The following SSPN variants were observed in gnomAD, a reference collection of about 807,000 sequenced individuals.
SSPN encodes K-ras oncogene-associated protein.
SSPN carries 15 observed loss-of-function variants against 19.1 expected under a neutral mutation model. The observed-to-expected ratio is 0.78, with a 90% CI of 0.52 to 1.21. The LOEUF is 1.21. SSPN is among the 50% of genes most tolerant of loss of function. The pLI is 0.00. For missense variants in SSPN, 291 were observed against 314.0 expected (o/e 0.93, Z 0.55); for synonymous variants, 147 against 140.3 (o/e 1.05, Z -0.34).
At chr12:26,203,241 A>G (rs1017855209) in intron 1 of SSPN, among the ~76,000 whole-genome samples, 2 of 152,200 alleles carry the variant, frequency 1.3e-5, no homozygotes, top group African/African-American at 4.8e-5. Flanking sequence ...AACTTTAATT[A>G]GGTATAATTC....
At chr12:26,181,277 A>G (rs560949649) in intron 1 of SSPN, 2 of 152,284 alleles carry the variant, frequency 1.3e-5, no homozygotes, top group South Asian at 4.1e-4. Context: ...CAGTTGGAAA[A>G]ACTGTCATTT....
chr12:26,230,901 G>A lies in SSPN; in HGVS notation c.557G>A (p.Ser186Asn), dbSNP rs12313670. 70,358 of 1,614,072 alleles carry A rather than the reference G, an allele frequency of 0.044. 2,532 individuals carry two copies. Among genetic ancestry groups the A allele is most frequent in the African/African-American group, 0.19 (14,126 of 74,962 alleles). Residue 186 changes from serine to asparagine, a missense_variant, in exon 3 of 3, where the codon AGC becomes AAC. Physicochemically the swap from Ser to Asn is conservative, Grantham distance 46. Around this residue, in one of 3 missense-constraint regions of SSPN, gnomAD observed 141 missense variants for 166.7 expected, o/e 0.85. Transcript: ENST00000242729. ...TACCGGGATGTGACGGACTGTACCA[G>A]CGTCACTGGCACTTTCAAACTGTTC... ...FVYRDVTDCT[S>N]VTGTFKLFLL...
intron 1 of SSPN, among the ~76,000 whole-genome samples, chr12:26,201,681 AAGTT>A (rs1286091128): frequency 3.9e-5 from 6 of 152,148 alleles, no homozygotes; most frequent in Non-Finnish European, 1.5e-5. Context: ...TCAACTCAGA[AAGTT>A]AGTCTCTGGA....
chr12:26,211,949 A>G (rs916964390), intron 1 of SSPN, among the ~76,000 whole-genome samples: 2 of 152,212 alleles, frequency 1.3e-5, no homozygotes, highest in Non-Finnish European at 2.9e-5. Flanking sequence ...GGCTTGGCAC[A>G]TAAGTATTCC....
In SSPN at chr12:26,232,445, C is replaced by T. The variant is rs1945243790; in HGVS notation, c.*1369C>T. ...GAGCTAAAAATGGAAATTCATGAAA[C>T]ATAAATGGTATCAAGAACTTTATCA... On this transcript the variant is annotated 3_prime_UTR_variant, in exon 3 of 3. Coordinates refer to ENST00000242729, the MANE Select transcript of SSPN (RefSeq NM_005086.5). The T allele has an allele frequency of 1.0e-6, 1 of 985,252 alleles. No homozygotes were observed. Among genetic ancestry groups the T allele is most frequent in the East Asian group, 1.1e-4 (1 of 8,816 alleles). The allele number at this position is 985,252 out of a possible 1,614,324, so 61.0% of individuals were successfully genotyped here.
At chr12:26,165,735 T>G (rs1034246476) in intron 1 of SSPN, among the ~76,000 whole-genome samples, 3 of 152,248 alleles carry the variant, frequency 2.0e-5, no homozygotes, top group African/African-American at 7.2e-5. Context: ...AAGGAAATCA[T>G]TTTTGTTCAT....
chr12:26,166,039 G>A (rs182617869), intron 1 of SSPN, among the ~76,000 whole-genome samples: 6 of 152,226 alleles, frequency 3.9e-5, no homozygotes, highest in South Asian at 2.1e-4. Flanking sequence ...CGCAAACACC[G>A]CATGTTCTCA....
chr12:26,219,331 A>T (rs1175146957), intron 1 of SSPN, among the ~76,000 whole-genome samples: 1 of 152,232 alleles, frequency 6.6e-6, no homozygotes, highest in African/African-American at 2.4e-5. Flanking sequence ...AAGGGAAAAA[A>T]AATAATAAGC....
rs199695974 is a variant in SSPN at position 26,138,789 on chromosome 12, GA to G, written c.-31+16646del. 3.3e-5 allele frequency among the ~76,000 whole-genome samples: 5 copies of G among 149,726 alleles called. No individual in the cohort carries two copies. In the South Asian group the frequency reaches 1.1e-3, roughly 32 times the overall value. On this transcript the variant is annotated intron_variant, in intron 1 of 2. Transcript: ENST00000538142. Reference sequence around the variant, plus strand: ...ATGGTGCTCAGAATCCGTGTGGGAAGAAAAAAAAATCAATGATCGAGCATAA... The same window carrying G: ...ATGGTGCTCAGAATCCGTGTGGGAAGAAAAAAAATCAATGATCGAGCATAA...
intron 1 of SSPN, among the ~76,000 whole-genome samples, chr12:26,128,413 A>G (rs1944378946): frequency 6.6e-6 from 1 of 152,260 alleles, no homozygotes; most frequent in African/African-American, 2.4e-5. Flanking sequence ...AAATCCAAAT[A>G]TCCTAATTAA....
chr12:26,226,987 G>A (rs1005003331), intron 2 of SSPN, among the ~76,000 whole-genome samples: 2 of 152,090 alleles, frequency 1.3e-5, no homozygotes, highest in Non-Finnish European at 2.9e-5. Context: ...TAAGCGCCCG[G>A]GGCCACCGCG....
intron 1 of SSPN, among the ~76,000 whole-genome samples, chr12:26,189,046 T>C (rs1457834623): frequency 6.6e-6 from 1 of 152,172 alleles, no homozygotes; most frequent in African/African-American, 2.4e-5. Context: ...TTTTTTAATG[T>C]AACCTGAAAA....
At chr12:26,177,862 G>A (rs972431148) in intron 1 of SSPN, among the ~76,000 whole-genome samples, 5 of 152,120 alleles carry the variant, frequency 3.3e-5, no homozygotes, top group African/African-American at 1.2e-4. Flanking sequence ...TATCTCTCAC[G>A]TGTATCATGA....
At chr12:26,186,595 A>G (rs1207644768) in intron 1 of SSPN, among the ~76,000 whole-genome samples, 2 of 152,188 alleles carry the variant, frequency 1.3e-5, no homozygotes, top group African/African-American at 4.8e-5. Flanking sequence ...CTCACTTGTC[A>G]TTTCAACACA....
At chr12:26,213,625 G>T (rs867735152) in intron 1 of SSPN, among the ~76,000 whole-genome samples, 4 of 151,932 alleles carry the variant, frequency 2.6e-5, no homozygotes, top group Admixed American at 1.3e-4. Flanking sequence ...TATAGTGGAT[G>T]CATGTTGTTG....
At chr12:26,164,374 T>G (rs1225443405) in intron 1 of SSPN, among the ~76,000 whole-genome samples, 4 of 152,202 alleles carry the variant, frequency 2.6e-5, no homozygotes, top group African/African-American at 9.6e-5. Context: ...CCATGCTGTT[T>G]GGGTCTGACA....
At chr12:26,206,768 A>G (rs974276683) in intron 1 of SSPN, among the ~76,000 whole-genome samples, 1 of 152,240 alleles carries the variant, frequency 6.6e-6, no homozygotes, top group African/African-American at 2.4e-5. Context: ...ATTCATGAGA[A>G]AGGCTGGAAC....
At chr12:26,162,958 C>T (rs1171825458) in intron 1 of SSPN, among the ~76,000 whole-genome samples, 1 of 151,002 alleles carries the variant, frequency 6.6e-6, no homozygotes, top group African/African-American at 2.5e-5. Flanking sequence ...TTTAACTAGA[C>T]CTGACGAGAA....
chr12:26,159,288 A>G (rs1009690412), intron 1 of SSPN, among the ~76,000 whole-genome samples: 1 of 152,264 alleles, frequency 6.6e-6, no homozygotes, highest in Admixed American at 6.5e-5. Context: ...CTCTCTGCCC[A>G]GCAAATTAAT....
Sources: gnomAD v4.1 joint callset for allele counts (sites outside exome capture counted in the v4.1 genomes callset) on GRCh38, gnomAD v4.1.1 for gene constraint, gnomAD v4.1.1 regional missense constraint, MANE v1.5 for transcripts, NCBI Gene and HGNC (gene_info 2026-07-23, HGNC 2026-07-21) for gene names.